MLLT6: variants seen among roughly 807,000 people sequenced by gnomAD.
MLLT6 encodes the protein protein AF-17.
MLLT6 carries 22 observed loss-of-function variants against 103.0 expected under a neutral mutation model. The observed-to-expected ratio is 0.21, with a 90% CI of 0.15 to 0.31. The LOEUF (loss-of-function observed/expected upper bound fraction) is 0.31, where lower values mean the gene tolerates loss of function less well. Among genes scored for constraint, MLLT6 ranks in the 10% least tolerant of loss-of-function variants. The pLI, the probability that MLLT6 is intolerant of heterozygous loss-of-function variation, is 1.00. For synonymous variants in MLLT6, 606 were observed against 623.5 expected (o/e 0.97, Z 0.42); for missense variants, 1,199 against 1,441.7 (o/e 0.83, Z 2.73).
At chr17:38,718,075 T>A in intron 12 of MLLT6, 122 bp downstream of exon 12, 1 of 693,362 alleles carries the variant, frequency 1.4e-6, no homozygotes, top group Non-Finnish European at 2.5e-6. Context: ...GCCATTGCCC[T>A]CCCTGCAAAA....
In MLLT6 at chr17:38,715,695, A is replaced by G. The variant is rs761325444; in HGVS notation, c.903A>G (p.Lys301=). Residue 301 remains lysine (K), a synonymous_variant, in exon 9 of 20, where the codon AAA becomes AAG. Transcript: ENST00000621332. The part of the protein sequence containing the change: ...TSESSRESKG[K]KSSSHSLSHK... ...AGAGCAGCAGGGAGTCAAAGGGGAA[A>G]AAGTCTTCCAGCCATAGCCTGAGTC... 3 of 1,614,024 alleles carry G rather than the reference A, an allele frequency of 1.9e-6. No individual in the cohort carries two copies. The highest frequency in any genetic ancestry group is 1.7e-5 in the Admixed American group (1 of 60,002).
At chr17:38,711,811 A>G (rs988142285) in intron 6 of MLLT6, 36 bp from the exon 7 acceptor site, 1 of 1,482,538 alleles carries the variant, frequency 6.7e-7, no homozygotes, top group Non-Finnish European at 9.0e-7. Context: ...GCCCGTGAGA[A>G]GAGGGTTTGC....
At position 38,721,708 on chromosome 17, in the gene MLLT6, G is replaced by A. The variant is rs375212876; in HGVS notation, c.2443-170G>A. 3.9e-5 allele frequency among the ~76,000 whole-genome samples: 6 copies of A among 152,350 alleles called. No individual in the cohort carries two copies. The East Asian group carries it at 5.8e-4, about 15-fold the overall frequency. ...AGGAAGGGGTCAGGAAACATGATTC[G>A]TGAAGACAATTTGGATTCTTAGCCC... On this transcript the variant is annotated intron_variant, in intron 16 of 19. Transcript: ENST00000621332.
intron 8 of MLLT6, chr17:38,714,049 A>T (rs1285471827): frequency 6.6e-6 from 1 of 152,202 alleles, no homozygotes; most frequent in Non-Finnish European, 1.5e-5. Context: ...GCACGAACGA[A>T]CTCACGGCAT....
At chr17:38,707,669 C>A in intron 3 of MLLT6, 94 bp from the exon 4 acceptor site, 1 of 1,241,836 alleles carries the variant, frequency 8.1e-7, no homozygotes, top group Non-Finnish European at 1.2e-6. Context: ...GATGGGAAGG[C>A]TGTGGAGGAG....
At chr17:38,719,291 C>T (rs1286310204) in intron 12 of MLLT6, 1 of 555,156 alleles carries the variant, frequency 1.8e-6, no homozygotes, top group African/African-American at 1.9e-5. Context: ...GACAGTGGAG[C>T]CTTCAGCCCA....
chr17:38,705,808 C>A, intron 1 of MLLT6, 67 bp downstream of exon 1: 1 of 661,008 alleles, frequency 1.5e-6, no homozygotes, highest in Non-Finnish European at 2.1e-6. Context: ...CCCCCGGCCG[C>A]GCCCTCCGGA....
In MLLT6 at chr17:38,727,111, CT is replaced by C. The variant is rs139861221; in HGVS notation, c.*1514del. 1,370 of 225,908 alleles carry C rather than the reference CT, an allele frequency of 6.1e-3. 25 individuals carry two copies. The highest frequency in any genetic ancestry group is 0.03 in the African/African-American group (1,304 of 43,096). The allele number at this position is 225,908 out of a possible 1,614,324, so 14.0% of individuals were successfully genotyped here. On this transcript the variant is annotated 3_prime_UTR_variant, in exon 20 of 20. Transcript: ENST00000621332. ...TGTGTGGATTTTTCTGTGTGTGTTT[CT>C]GTTTGGGTTTTTGTTGTTGGGTTTT...
At position 38,720,662 on chromosome 17, in the gene MLLT6, G is replaced by A; in HGVS notation, c.2357G>A (p.Gly786Asp). The change falls in exon 16 of 20, where the codon GGC (glycine) becomes GAC (aspartate). Residue 786 changes from glycine (G) to aspartate (D), a missense_variant. By Grantham distance (94) the Gly-to-Asp change is moderately conservative. Transcript: ENST00000621332. The part of the protein sequence containing the change: ...PGPYGLPPQA[G>D]SSDSLSTSKS... ...GCCTGTGACATCCCTCCCACAGCCGGCAGCAGCGACTCCTTGAGCACCAGC... is the reference window on the plus strand; with the variant it reads ...GCCTGTGACATCCCTCCCACAGCCGACAGCAGCGACTCCTTGAGCACCAGC... The A allele has an allele frequency of 6.2e-7, 1 of 1,613,718 alleles. No homozygotes were observed. Among genetic ancestry groups the A allele is most frequent in the Non-Finnish European group, 8.5e-7 (1 of 1,180,034 alleles).
In MLLT6 at chr17:38,715,967, C is replaced by T. The variant is rs561861387; in HGVS notation, c.1036+139C>T. The T allele has an allele frequency of 3.2e-3, 2,488 of 774,264 alleles. 10 individuals are homozygous for T. Among genetic ancestry groups the T allele is most frequent in the Non-Finnish European group, 4.3e-3 (2,118 of 489,014 alleles). 48.0% of individuals were successfully genotyped at this position (774,264 alleles called of 1,614,324 possible). On this transcript the variant is annotated intron_variant, in intron 9 of 19. Coordinates refer to ENST00000621332, the MANE Select transcript of MLLT6 (RefSeq NM_005937.4). ...TCAGGATAAAGATGGGGAATCCCCT[C>T]CTCTCCAAACCTGCCCCCAAACCCT...
Position 38,716,431 on chromosome 17 carries a change from C to A in MLLT6, c.1101C>A (p.Asp367Glu). ...AFPKLEQPEE[D>E]KYSKPTAPAP... is the part of the protein sequence containing the mutation. ...CCAAGCTGGAGCAGCCAGAGGAGGA[C>A]AAGTACTCCAAGCCCACAGCCCCCG... Residue 367 changes from aspartate (D) to glutamate (E), a missense_variant, in exon 10 of 20, where the codon GAC becomes GAA. Physicochemically the swap from Asp to Glu is conservative, Grantham distance 45 (BLOSUM62 2). Transcript: ENST00000621332. This position sits in a 1 kb window ranked among gnomAD's most constrained non-coding sequence, Gnocchi z 5.6. The A allele has an allele frequency of 6.2e-7, 1 of 1,613,846 alleles. No individual in the cohort carries two copies. The highest frequency in any genetic ancestry group is 8.5e-7 in the Non-Finnish European group (1 of 1,179,898).
At chr17:38,718,386 A>G (rs958806362) in intron 12 of MLLT6, 3 of 158,722 alleles carry the variant, frequency 1.9e-5, no homozygotes, top group African/African-American at 7.3e-5. Context: ...AAAACAAACA[A>G]AATCCCAGCG....
intron 8 of MLLT6, chr17:38,714,759 A>G (rs1905264157): frequency 6.6e-6 from 1 of 152,446 alleles, no homozygotes. Flanking sequence ...TAAATTAAGA[A>G]AAAACAAAAA....
At chr17:38,715,933 T>C in intron 9 of MLLT6, 105 bp downstream of exon 9, 1 of 1,002,946 alleles carries the variant, frequency 1.0e-6, no homozygotes, top group Non-Finnish European at 1.5e-6. Context: ...CATTTACTTC[T>C]CCATTGGTTC....
rs1251908323 is a variant in MLLT6 at position 38,728,390 on chromosome 17, G to A, written c.*2792G>A. 1 of 232,970 alleles carries A rather than the reference G, an allele frequency of 4.3e-6. No individual in the cohort carries two copies. The highest frequency in any genetic ancestry group is 8.5e-6 in the Non-Finnish European group (1 of 118,016). 14.4% of individuals were successfully genotyped at this position (232,970 alleles called of 1,614,324 possible). A position where few individuals can be genotyped will look rare whatever the true frequency, so the allele number is the denominator to read the frequency against. On this transcript the variant is annotated 3_prime_UTR_variant, in exon 20 of 20. Transcript: ENST00000621332. ...GATTTGTAGATCTCTTTGTCTGGGG[G>A]AGGGGAAGGATGTGGTTTGCAGAGC...
Position 38,716,664 on chromosome 17 carries a change from T to G in MLLT6, c.1334T>G (p.Met445Arg), listed in dbSNP as rs1905359493. ...SGASAGTHKR[M>R]PALSATPVPA... ...GCCTCGGCAGGCACCCACAAACGGA[T>G]GCCCGCACTGAGTGCCACCCCTGTG... is the stretch of plus-strand genomic sequence containing the variant. Residue 445 changes from methionine to arginine, a missense_variant, in exon 10 of 20, where the codon ATG becomes AGG. Met to Arg is a moderately conservative substitution (Grantham distance 91, BLOSUM62 -1). Coordinates refer to ENST00000621332, the MANE Select transcript of MLLT6 (RefSeq NM_005937.4). The surrounding 1 kb of genome is among the most constrained non-coding windows in gnomAD (Gnocchi z 5.6). 6.2e-7 allele frequency: 1 copy of G among 1,613,424 alleles called. No homozygotes were observed. Among genetic ancestry groups the G allele is most frequent in the Admixed American group, 1.7e-5 (1 of 59,994 alleles).
intron 16 of MLLT6, 30 bp downstream of exon 16, chr17:38,720,777 G>A: frequency 6.2e-7 from 1 of 1,600,016 alleles, no homozygotes; most frequent in Non-Finnish European, 8.6e-7. Flanking sequence ...GGGCAGGAAG[G>A]AGGGGGAGAC....
chr17:38,725,331 C>T (rs897510070), intron 19 of MLLT6: 9 of 556,174 alleles, frequency 1.6e-5, no homozygotes, highest in Middle Eastern at 3.1e-4. Context: ...TGAGGGCACA[C>T]GGCCTTAGCT....
chr17:38,723,294 G>A (rs1171151041), intron 18 of MLLT6, among the ~76,000 whole-genome samples: 1 of 152,200 alleles, frequency 6.6e-6, no homozygotes, highest in Non-Finnish European at 1.5e-5. Context: ...GAGCTCAGGA[G>A]TTTGAGATCA....
Sources: gnomAD v4.1 joint callset for allele counts (sites outside exome capture counted in the v4.1 genomes callset) on GRCh38, gnomAD v4.1.1 for gene constraint, Gnocchi (gnomAD v3.1) non-coding constraint, MANE v1.5 for transcripts, NCBI Gene and HGNC (gene_info 2026-07-23, HGNC 2026-07-21) for gene names.